Variants in NEK7 observed in about 807,000 individuals in gnomAD.
NEK7 encodes the protein serine/threonine-protein kinase Nek7.
In NEK7, 18 loss-of-function variants were observed where a neutral mutation model predicts 44.6. That is an observed-to-expected ratio of 0.40 (90% CI 0.28 to 0.60). The LOEUF (loss-of-function observed/expected upper bound fraction) is 0.60, where lower values mean the gene tolerates loss of function less well. Ranked by LOEUF, NEK7 falls within the 20% of genes least tolerant of loss-of-function variation. The probability of loss-of-function intolerance (pLI) is 0.38; values close to 1 mark genes in which losing one functional copy is unlikely to be tolerated. For synonymous variants in NEK7, 130 were observed against 121.1 expected (o/e 1.07, Z -0.48); for missense variants, 256 against 366.5 (o/e 0.70, Z 2.46).
intron 6 of NEK7, 88 bp from the exon 7 acceptor site, chr1:198,278,866 A>C: frequency 2.9e-6 from 2 of 680,854 alleles, no homozygotes; most frequent in Non-Finnish European, 5.1e-6. Context: ...AATAAATTTT[A>C]AATTCTGTCA....
At chr1:198,256,375 A>G (rs376243713) in intron 3 of NEK7, 33 of 1,611,860 alleles carry the variant, frequency 2.0e-5, no homozygotes, top group Non-Finnish European at 2.8e-5. Context: ...CGCTAAATGC[A>G]TGTTACTTCT....
At chr1:198,181,766 A>G (rs999541878) in intron 1 of NEK7, among the ~76,000 whole-genome samples, 8 of 152,164 alleles carry the variant, frequency 5.3e-5, no homozygotes, top group African/African-American at 1.9e-4. Flanking sequence ...AGAAATGATT[A>G]TTTGAAAAAT....
chr1:198,225,390 G>A (rs993976095), intron 1 of NEK7, among the ~76,000 whole-genome samples: 2 of 152,074 alleles, frequency 1.3e-5, no homozygotes, highest in Non-Finnish European at 2.9e-5. Flanking sequence ...TGTGTTGAAA[G>A]CTGGTGGGGG....
In NEK7 at chr1:198,255,582, A is replaced by G. The variant is rs188147801; in HGVS notation, c.198+2402A>G. Among the ~76,000 whole-genome samples the G allele has an allele frequency of 9.2e-5, 14 of 152,314 alleles. No homozygotes were observed. In the East Asian group the frequency reaches 1.5e-3, roughly 17 times the overall value. ...TTTCTATTGATTGGGAATTTGAATA[A>G]GTGTGAGTTAATTTGCACAATTGTA... On this transcript the variant is annotated intron_variant, in intron 3 of 9. Coordinates refer to ENST00000367385, the MANE Select transcript of NEK7 (RefSeq NM_133494.3).
chr1:198,159,947 A>G (rs1032386712), intron 1 of NEK7, among the ~76,000 whole-genome samples: 3 of 152,154 alleles, frequency 2.0e-5, no homozygotes, highest in Admixed American at 1.3e-4. Context: ...CATGCCCCAA[A>G]TCTTTCCTGG....
chr1:198,285,204 T>A (rs1558094601), intron 7 of NEK7, among the ~76,000 whole-genome samples: 1 of 152,124 alleles, frequency 6.6e-6, no homozygotes, highest in Admixed American at 6.6e-5. Flanking sequence ...AGGACAGAGA[T>A]CTTTGTGTAT....
At chr1:198,314,754 G>C (rs1156781991) in intron 9 of NEK7, among the ~76,000 whole-genome samples, 1 of 152,208 alleles carries the variant, frequency 6.6e-6, no homozygotes, top group African/African-American at 2.4e-5. Flanking sequence ...CAGGGGTCAG[G>C]GGTCAGAGAC....
At chr1:198,251,429 T>G (rs1218677296) in intron 2 of NEK7, among the ~76,000 whole-genome samples, 1 of 135,220 alleles carries the variant, frequency 7.4e-6, no homozygotes, top group African/African-American at 2.9e-5. Context: ...TTCTGTTGAT[T>G]GGAATAGTTT....
intron 7 of NEK7, among the ~76,000 whole-genome samples, chr1:198,290,073 T>C (rs1654505666): frequency 1.3e-5 from 2 of 152,200 alleles, no homozygotes; most frequent in Admixed American, 6.5e-5. Flanking sequence ...TTATCATCCA[T>C]TTCCTACTTT....
chr1:198,311,420 A>G (rs1428039512), intron 9 of NEK7, among the ~76,000 whole-genome samples: 5 of 151,698 alleles, frequency 3.3e-5, no homozygotes, highest in Non-Finnish European at 5.9e-5. Flanking sequence ...CTAATTGAAT[A>G]CCCTTTATTT....
At chr1:198,263,497 T>C (rs1184045911) in intron 4 of NEK7, among the ~76,000 whole-genome samples, 1 of 151,944 alleles carries the variant, frequency 6.6e-6, no homozygotes, top group South Asian at 2.1e-4. Flanking sequence ...CAATTCATCT[T>C]GTATTAATAT....
At chr1:198,291,502 A>G (rs1241535260) in intron 7 of NEK7, among the ~76,000 whole-genome samples, 1 of 114,336 alleles carries the variant, frequency 8.7e-6, no homozygotes, top group Non-Finnish European at 1.8e-5. Context: ...CTGACACTAT[A>G]GAAATTGGCG....
At chr1:198,167,959 C>G (rs947451154) in intron 1 of NEK7, among the ~76,000 whole-genome samples, 10 of 152,166 alleles carry the variant, frequency 6.6e-5, no homozygotes, top group Admixed American at 5.9e-4. Context: ...AAGTGTTGCT[C>G]TTTATTCAAA....
At position 198,307,362 on chromosome 1, in the gene NEK7, A is replaced by G. The variant is rs142491378; in HGVS notation, c.798+10122A>G. Among the ~76,000 whole-genome samples, 279 of 152,254 alleles carry G rather than the reference A, an allele frequency of 1.8e-3. 1 individual carries two copies. The highest frequency in any genetic ancestry group is 6.6e-3 in the African/African-American group (274 of 41,558). ...AAAATCCAAAAGCAAGTATCAAAGC[A>G]CAGTTTTGGAAAGGCACTTTGTCAG... is the stretch of plus-strand genomic sequence containing the variant. On this transcript the variant is annotated intron_variant, in intron 9 of 9. Coordinates refer to ENST00000367385, the MANE Select transcript of NEK7 (RefSeq NM_133494.3).
chr1:198,314,590 G>A (rs1375613133), intron 9 of NEK7, among the ~76,000 whole-genome samples: 1 of 152,130 alleles, frequency 6.6e-6, no homozygotes, highest in Non-Finnish European at 1.5e-5. Flanking sequence ...TTTGATGATG[G>A]TGATGTACAG....
At chr1:198,256,234 T>C in intron 3 of NEK7, 1 of 1,380,152 alleles carries the variant, frequency 7.2e-7, no homozygotes, top group South Asian at 1.9e-5. Context: ...AGCTTAGTTT[T>C]TAAGGCCCTT....
In NEK7 at chr1:198,232,568, G is replaced by T. The variant is rs777098186; in HGVS notation, c.-13G>T. On this transcript the variant is annotated 5_prime_UTR_variant, in exon 2 of 10. Coordinates refer to ENST00000367385, the MANE Select transcript of NEK7 (RefSeq NM_133494.3). ...ATTTTTGCAGAGTTCTAAAGTTCCT[G>T]TTGCTTCAGACAATGGATGAGCAAT... 20 of 1,579,716 alleles carry T rather than the reference G, an allele frequency of 1.3e-5. No homozygotes were observed. Among genetic ancestry groups the T allele is most frequent in the Non-Finnish European group, 1.7e-5 (20 of 1,149,258 alleles).
intron 9 of NEK7, among the ~76,000 whole-genome samples, chr1:198,303,655 T>C (rs1051163931): frequency 6.6e-6 from 1 of 152,116 alleles, no homozygotes; most frequent in Non-Finnish European, 1.5e-5. Flanking sequence ...TCTGGAGTTG[T>C]TGCTGGAAAT....
At chr1:198,197,908 G>A in intron 1 of NEK7, 1 of 1,291,996 alleles carries the variant, frequency 7.7e-7, no homozygotes, top group Non-Finnish European at 1.1e-6. Flanking sequence ...GTCCGAACAT[G>A]CCAGGAGCCA....
Sources: gnomAD v4.1 joint callset for allele counts (sites outside exome capture counted in the v4.1 genomes callset) on GRCh38, gnomAD v4.1.1 for gene constraint, MANE v1.5 for transcripts, NCBI Gene and HGNC (gene_info 2026-07-23, HGNC 2026-07-21) for gene names.